SLCO2A1: variants seen among roughly 807,000 people sequenced by gnomAD.
The protein encoded by SLCO2A1 is solute carrier organic anion transporter family member 2A1, also known as matrin F/G 1.
In SLCO2A1, 60 loss-of-function variants were observed where a neutral mutation model predicts 71.7. That is an observed-to-expected ratio of 0.84 (90% CI 0.68 to 1.04). SLCO2A1 has a LOEUF of 1.04. SLCO2A1 is among the 50% of genes least tolerant of loss of function. The probability of loss-of-function intolerance (pLI) is 0.00; values close to 1 mark genes in which losing one functional copy is unlikely to be tolerated. For synonymous variants in SLCO2A1, 308 were observed against 326.7 expected, an observed-to-expected ratio of 0.94 and a Z score of 0.62; for missense variants, 745 against 813.4, an observed-to-expected ratio of 0.92 and a Z score of 1.02.
At chr3:133,947,012 G>C (rs1387379941) in intron 9 of SLCO2A1, among the ~76,000 whole-genome samples, 2 of 152,114 alleles carry the variant, frequency 1.3e-5, no homozygotes, top group Non-Finnish European at 2.9e-5. Flanking sequence ...CTACTCGAGA[G>C]GCTGAGGCAT....
chr3:133,954,873 G>C (rs1933841769), intron 4 of SLCO2A1, 93 bp downstream of exon 4: 2 of 997,970 alleles, frequency 2.0e-6, no homozygotes, highest in Admixed American at 4.3e-5. Flanking sequence ...TAAGCAAAGA[G>C]GGTGGGACCT....
chr3:134,005,828 T>C (rs1935204089), intron 1 of SLCO2A1, among the ~76,000 whole-genome samples: 1 of 152,184 alleles, frequency 6.6e-6, no homozygotes, highest in African/African-American at 2.4e-5. Flanking sequence ...AACCTGATTA[T>C]ATTTATATTG....
chr3:134,010,589 TA>T (rs1453088698), intron 1 of SLCO2A1, among the ~76,000 whole-genome samples: 1 of 151,486 alleles, frequency 6.6e-6, no homozygotes, highest in African/African-American at 2.4e-5. Flanking sequence ...CTGTCTCTAC[TA>T]AAAAAACGCA....
At chr3:133,952,374 G>C (rs1933766535) in intron 5 of SLCO2A1, among the ~76,000 whole-genome samples, 1 of 152,218 alleles carries the variant, frequency 6.6e-6, no homozygotes, top group South Asian at 2.1e-4. Flanking sequence ...TCTGTGACGT[G>C]ACTTGTTTGC....
intron 1 of SLCO2A1, among the ~76,000 whole-genome samples, chr3:133,987,861 A>T (rs1265679472): frequency 1.3e-5 from 2 of 152,252 alleles, no homozygotes; most frequent in Non-Finnish European, 2.9e-5. Flanking sequence ...AGTTTGAAAT[A>T]ACTGATTCTA....
chr3:133,966,470 C>T (rs1934172099), intron 3 of SLCO2A1, among the ~76,000 whole-genome samples: 1 of 152,208 alleles, frequency 6.6e-6, no homozygotes. Flanking sequence ...GCTCACACCT[C>T]TCCGCACTGC....
intron 1 of SLCO2A1, among the ~76,000 whole-genome samples, chr3:134,006,404 C>A (rs1019050929): frequency 1.3e-5 from 2 of 152,110 alleles, no homozygotes; most frequent in African/African-American, 2.4e-5. Context: ...CGACCATCAC[C>A]GTCATCCATC....
At chr3:133,945,900 C>T (rs749425174) in intron 9 of SLCO2A1, among the ~76,000 whole-genome samples, 11 of 152,140 alleles carry the variant, frequency 7.2e-5, no homozygotes, top group Non-Finnish European at 1.5e-4. Context: ...GCACTGTGCC[C>T]GGGGGCTTTA....
intron 1 of SLCO2A1, among the ~76,000 whole-genome samples, chr3:134,019,305 T>C (rs758302931): frequency 3.0e-4 from 46 of 152,334 alleles, no homozygotes; most frequent in Middle Eastern, 3.4e-3. Context: ...GATAGGGTTG[T>C]AATGAGGATT....
chr3:133,979,872 GA>G (rs554419963), intron 1 of SLCO2A1, among the ~76,000 whole-genome samples: 3 of 152,180 alleles, frequency 2.0e-5, no homozygotes, highest in Non-Finnish European at 4.4e-5. Flanking sequence ...GTGGCCCAGT[GA>G]AACCACAGGG....
chr3:133,967,132 G>T (rs1023421057), intron 3 of SLCO2A1, among the ~76,000 whole-genome samples: 1 of 152,174 alleles, frequency 6.6e-6, no homozygotes, highest in Non-Finnish European at 1.5e-5. Context: ...GCTGCAGCTT[G>T]CCTCCTGGAC....
chr3:133,997,607 A>G (rs1934997051), intron 1 of SLCO2A1, among the ~76,000 whole-genome samples: 1 of 152,230 alleles, frequency 6.6e-6, no homozygotes, highest in South Asian at 2.1e-4. Flanking sequence ...GCAAGGAGAG[A>G]GTCCTGGAAT....
intron 1 of SLCO2A1, among the ~76,000 whole-genome samples, chr3:134,013,218 A>G (rs1935375670): frequency 6.6e-6 from 1 of 152,204 alleles, no homozygotes; most frequent in Non-Finnish European, 1.5e-5. Context: ...CTAGCTCCAT[A>G]TCAGTCTCAG....
At chr3:134,023,150 AAAC>A (rs748783083) in intron 1 of SLCO2A1, among the ~76,000 whole-genome samples, 79,808 of 151,272 alleles carry the variant, frequency 0.53, 22,220 homozygotes, top group South Asian at 0.68. Flanking sequence ...ACAAACAAAC[AAAC>A]AAAAGAATGG....
chr3:133,948,803 G>A (rs951255552), intron 7 of SLCO2A1, 90 bp downstream of exon 7: 15 of 1,584,308 alleles, frequency 9.5e-6, no homozygotes, highest in South Asian at 7.8e-5. Flanking sequence ...GTCCCTTACC[G>A]CACACAACAC....
intron 1 of SLCO2A1, among the ~76,000 whole-genome samples, chr3:133,994,354 G>GC (rs1934917842): frequency 6.6e-6 from 1 of 152,184 alleles, no homozygotes; most frequent in Admixed American, 6.5e-5. Flanking sequence ...CCACCATGCT[G>GC]CCTGGGGTGA....
At chr3:134,000,164 G>A (rs571573991) in intron 1 of SLCO2A1, among the ~76,000 whole-genome samples, 28 of 152,308 alleles carry the variant, frequency 1.8e-4, no homozygotes, top group African/African-American at 6.0e-4. Context: ...AGGGAAGCAA[G>A]GAGCTCAAGA....
At chr3:134,013,728 A>G (rs567905560) in intron 1 of SLCO2A1, among the ~76,000 whole-genome samples, 2 of 152,350 alleles carry the variant, frequency 1.3e-5, no homozygotes, top group South Asian at 4.1e-4. Context: ...ACATCTTCCT[A>G]GAGCATCAAT....
chr3:134,029,873 G>T lies in SLCO2A1; in HGVS notation c.-71C>A. On this transcript the variant is annotated 5_prime_UTR_variant, in exon 1 of 14. Transcript: ENST00000310926. ...GCCTCGGGCTGGAGCGGCCGGGCGG[G>T]TGAGAGGCGACCGCGGCGGCAGTGG... 1.1e-6 allele frequency: 1 copy of T among 872,608 alleles called. No homozygotes were observed. Among genetic ancestry groups the T allele is most frequent in the Non-Finnish European group, 1.5e-6 (1 of 654,704 alleles). 54.1% of individuals were successfully genotyped at this position (872,608 alleles called of 1,614,324 possible).
Sources: allele counts gnomAD v4.1 joint callset (sites outside exome capture counted in the v4.1 genomes callset), GRCh38; gene constraint gnomAD v4.1.1; transcripts MANE v1.5; gene names NCBI Gene and HGNC (gene_info 2026-07-23, HGNC 2026-07-21).